TTC7B: variants seen among roughly 807,000 people sequenced by gnomAD.
TTC7B encodes the protein tetratricopeptide repeat domain 7B.
Under a neutral mutation model 106.8 loss-of-function variants are expected in TTC7B, and 28 were observed. The ratio of observed to expected loss-of-function variants is 0.26; its 90% CI spans 0.19 to 0.36. The LOEUF (loss-of-function observed/expected upper bound fraction) is 0.36, where lower values mean the gene tolerates loss of function less well. Ranked by LOEUF, TTC7B falls within the 10% of genes least tolerant of loss-of-function variation. TTC7B has a pLI of 1.00. For synonymous variants in TTC7B, 405 were observed against 430.6 expected, an observed-to-expected ratio of 0.94 and a Z score of 0.74; for missense variants, 862 against 1,076.4, an observed-to-expected ratio of 0.80 and a Z score of 2.79.
chr14:90,740,726 T>C (rs1197563521), intron 4 of TTC7B, among the ~76,000 whole-genome samples: 1 of 152,056 alleles, frequency 6.6e-6, no homozygotes, highest in Non-Finnish European at 1.5e-5. Context: ...GGTCTCGAAC[T>C]CCTGACATCA....
At chr14:90,544,002 G>A (rs990043242) in intron 19 of TTC7B, among the ~76,000 whole-genome samples, 2 of 152,258 alleles carry the variant, frequency 1.3e-5, no homozygotes, top group Non-Finnish European at 2.9e-5. Flanking sequence ...GAGCTGGGGT[G>A]TCCACCCAGG....
chr14:90,712,999 G>A (rs965703910), intron 5 of TTC7B, among the ~76,000 whole-genome samples: 1 of 151,924 alleles, frequency 6.6e-6, no homozygotes, highest in Non-Finnish European at 1.5e-5. Flanking sequence ...TTTTACTAAC[G>A]TGTCAATGCA....
intron 19 of TTC7B, among the ~76,000 whole-genome samples, chr14:90,567,219 A>T (rs945615347): frequency 2.6e-5 from 4 of 152,176 alleles, no homozygotes; most frequent in Admixed American, 1.3e-4. Flanking sequence ...CCTTGGCAAC[A>T]TGAGTGCCAA....
intron 19 of TTC7B, among the ~76,000 whole-genome samples, chr14:90,576,427 A>G (rs748600660): frequency 2.0e-5 from 3 of 152,264 alleles, no homozygotes; most frequent in Non-Finnish European, 4.4e-5. Flanking sequence ...AAGACTCACA[A>G]AGGGAAGTTG....
chr14:90,657,957 C>T lies in TTC7B; in HGVS notation c.1236+347G>A. 1 of 307,898 alleles carries T rather than the reference C, an allele frequency of 3.2e-6. No individual in the cohort carries two copies. Among genetic ancestry groups the T allele is most frequent in the South Asian group, 3.2e-5 (1 of 31,262 alleles). 19.1% of individuals were successfully genotyped at this position (307,898 alleles called of 1,614,324 possible). A position where few individuals can be genotyped will look rare whatever the true frequency, so the allele number is the denominator to read the frequency against. On this transcript the variant is annotated intron_variant, in intron 10 of 19. Transcript: ENST00000328459. This position sits in a 1 kb window ranked among gnomAD's most constrained non-coding sequence, Gnocchi z 4.2. Reference sequence around the variant, plus strand: ...GCACTGCCTAATATAACACATTGCTCAAGATAACCAACAGGTTTCCCCTCC... The same window carrying T: ...GCACTGCCTAATATAACACATTGCTTAAGATAACCAACAGGTTTCCCCTCC...
chr14:90,656,513 G>C (rs998567063), intron 11 of TTC7B, among the ~76,000 whole-genome samples: 5 of 152,170 alleles, frequency 3.3e-5, no homozygotes. Context: ...GTATGTGAAG[G>C]AATAGAAATG....
intron 19 of TTC7B, among the ~76,000 whole-genome samples, chr14:90,542,987 C>A (rs1440907765): frequency 6.6e-6 from 1 of 152,232 alleles, no homozygotes; most frequent in Non-Finnish European, 1.5e-5. Flanking sequence ...TCACCTACCC[C>A]CTTCTATCAT....
At chr14:90,614,378 T>A (rs1892984322) in intron 16 of TTC7B, among the ~76,000 whole-genome samples, 1 of 152,192 alleles carries the variant, frequency 6.6e-6, no homozygotes, top group Non-Finnish European at 1.5e-5. Flanking sequence ...CTAACTGAGG[T>A]TAGAGCAAAG....
chr14:90,619,597 T>A (rs550555057), intron 15 of TTC7B, among the ~76,000 whole-genome samples: 1 of 152,372 alleles, frequency 6.6e-6, no homozygotes, highest in East Asian at 1.9e-4. Flanking sequence ...GAGCTCCTGC[T>A]GACCGAAGGC....
intron 18 of TTC7B, among the ~76,000 whole-genome samples, chr14:90,581,734 A>C (rs1478790309): frequency 1.3e-5 from 2 of 152,224 alleles, no homozygotes; most frequent in Non-Finnish European, 2.9e-5. Context: ...ATGTGGAGAA[A>C]GCCATAAATG....
chr14:90,816,214 C>A lies in TTC7B; in HGVS notation c.82G>T (p.Glu28Ter). The part of the protein sequence containing the change: ...RSECQWERIP[E>*]LVKQLSAKLI... ...TTGGCCGACAGCTGCTTGACGAGCT[C>A]AGGGATCCGCTCCCACTGGCACTCG... The change falls in exon 1 of 20, where the codon GAG becomes TAG. Residue 28 changes from glutamate (E) to a stop codon, truncating the protein, a stop_gained. Transcript: ENST00000328459. LOFTEE classifies it high-confidence loss of function. 1 of 1,274,716 alleles carries A rather than the reference C, an allele frequency of 7.8e-7. No individual in the cohort carries two copies. The allele number at this position is 1,274,716 out of a possible 1,614,324, so 79.0% of individuals were successfully genotyped here.
Position 90,805,424 on chromosome 14 carries a change from C to T in TTC7B, c.121+10751G>A, listed in dbSNP as rs891737129. 6.6e-6 allele frequency among the ~76,000 whole-genome samples: 1 copy of T among 152,144 alleles called. No individual in the cohort carries two copies. Reference sequence around the variant, plus strand: ...GATTACAGGCGTGTACCACAATGCCCGGCTAATTTTTTTGTACTTTTAGTA... The same window carrying T: ...GATTACAGGCGTGTACCACAATGCCTGGCTAATTTTTTTGTACTTTTAGTA... On this transcript the variant is annotated intron_variant, in intron 1 of 19. Transcript: ENST00000328459. This position sits in a 1 kb window ranked among gnomAD's most constrained non-coding sequence, Gnocchi z 4.0.
At chr14:90,602,473 G>A (rs1477725406) in intron 17 of TTC7B, among the ~76,000 whole-genome samples, 1 of 152,172 alleles carries the variant, frequency 6.6e-6, no homozygotes, top group African/African-American at 2.4e-5. Flanking sequence ...AGGCGAGGTG[G>A]GAGGATCGCT....
chr14:90,693,285 C>A (rs532812482), intron 6 of TTC7B, among the ~76,000 whole-genome samples: 3 of 151,828 alleles, frequency 2.0e-5, no homozygotes, highest in African/African-American at 7.3e-5. Flanking sequence ...AGAGGTCTAC[C>A]TAATGAACGT....
rs147731541 is a variant in TTC7B, at chr14:90,751,758, A to T, written c.446-6836T>A. On this transcript the variant is annotated intron_variant, in intron 3 of 19. Coordinates refer to ENST00000328459, the MANE Select transcript of TTC7B (RefSeq NM_001010854.2). ...GTAACACATTTTAAATAAATTAATG[A>T]TGATAAAATTATAATTACACTTGCT... is the stretch of plus-strand genomic sequence containing the variant. 1.3e-3 allele frequency among the ~76,000 whole-genome samples: 191 copies of T among 152,222 alleles called. 1 individual carries two copies. The highest frequency in any genetic ancestry group is 0.01 in the Middle Eastern group (3 of 294).
chr14:90,760,572 C>T (rs1255217167), intron 3 of TTC7B, among the ~76,000 whole-genome samples: 1 of 152,198 alleles, frequency 6.6e-6, no homozygotes, highest in Admixed American at 6.5e-5. Flanking sequence ...AATGTAAATC[C>T]GGCACAAATG....
Position 90,655,077 on chromosome 14 carries a change from C to G in TTC7B, c.1375G>C (p.Val459Leu), listed in dbSNP as rs138099673. 6.2e-7 allele frequency: 1 copy of G among 1,614,168 alleles called. No homozygotes were observed. The highest frequency in any genetic ancestry group is 1.3e-5 in the African/African-American group (1 of 75,046). The change falls in exon 12 of 20, where the codon GTT becomes CTT. Residue 459 changes from valine (V) to leucine (L), a missense_variant. By Grantham distance (32) the Val-to-Leu change is conservative (BLOSUM62 1). Coordinates refer to ENST00000328459, the MANE Select transcript of TTC7B (RefSeq NM_001010854.2). ...TCTGACGTTTTCTCTCCCACATCAACGACAGTTTTGGCAAACTTTTCAGCC... is the reference window on the plus strand; with the variant it reads ...TCTGACGTTTTCTCTCCCACATCAAGGACAGTTTTGGCAAACTTTTCAGCC... ...EEAEKFAKTV[V>L]DVGEKTSEFK...
rs1044846375 is a variant in TTC7B at position 90,690,047 on chromosome 14, G to A, written c.778-335C>T. ...CCAAGAGCTCTTATAAATAACAGGTGAGCTGCAGATATTAGCATCACTAAT... is the reference window on the plus strand; with the variant it reads ...CCAAGAGCTCTTATAAATAACAGGTAAGCTGCAGATATTAGCATCACTAAT... On this transcript the variant is annotated intron_variant, in intron 6 of 19. Coordinates refer to ENST00000328459, the MANE Select transcript of TTC7B (RefSeq NM_001010854.2). Among the ~76,000 whole-genome samples, 66 of 152,204 alleles carry A rather than the reference G, an allele frequency of 4.3e-4. 1 individual carries two copies. Among genetic ancestry groups the A allele is most frequent in the Non-Finnish European group, 8.8e-5 (6 of 68,038 alleles).
At chr14:90,727,423 GCT>G (rs1889150537) in intron 5 of TTC7B, among the ~76,000 whole-genome samples, 1 of 152,218 alleles carries the variant, frequency 6.6e-6, no homozygotes, top group East Asian at 1.9e-4. Context: ...GGGCAATACT[GCT>G]CACATTGCCC....
Sources: gnomAD v4.1 joint callset for allele counts (sites outside exome capture counted in the v4.1 genomes callset) on GRCh38, gnomAD v4.1.1 for gene constraint, Gnocchi (gnomAD v3.1) non-coding constraint, MANE v1.5 for transcripts, NCBI Gene and HGNC (gene_info 2026-07-23, HGNC 2026-07-21) for gene names.